Variants in LUZP2 observed in about 807,000 individuals in gnomAD.
LUZP2 encodes the protein leucine zipper protein 2.
In LUZP2, 52 loss-of-function variants were observed where a neutral mutation model predicts 51.6. The observed-to-expected ratio is 1.01, with a 90% confidence interval of 0.81 to 1.27. LUZP2 has a LOEUF of 1.27. Ranked by LOEUF, LUZP2 falls within the 50% of genes most tolerant of loss-of-function variation. The pLI is 0.00. For synonymous variants in LUZP2, 154 were observed against 137.3 expected, an observed-to-expected ratio of 1.12 and a Z score of -0.85; for missense variants, 436 against 395.4, an observed-to-expected ratio of 1.10 and a Z score of -0.87.
chr11:25,050,395 C>T (rs548928569), intron 10 of LUZP2, among the ~76,000 whole-genome samples: 1 of 149,898 alleles, frequency 6.7e-6, no homozygotes. Flanking sequence ...TCCGCCGCCT[C>T]CCGGGTTCAC....
intron 1 of LUZP2, among the ~76,000 whole-genome samples, chr11:24,518,260 C>T (rs1271289007): frequency 6.6e-6 from 1 of 152,064 alleles, no homozygotes; most frequent in Non-Finnish European, 1.5e-5. Flanking sequence ...TCATCTAATC[C>T]ATGAGTCAAT....
At chr11:24,753,837 C>T (rs1859678308) in intron 4 of LUZP2, among the ~76,000 whole-genome samples, 1 of 152,098 alleles carries the variant, frequency 6.6e-6, no homozygotes, top group South Asian at 2.1e-4. Context: ...TCAGTATAGC[C>T]ATTACCCCAG....
chr11:24,997,085 G>A (rs973455953), intron 9 of LUZP2, among the ~76,000 whole-genome samples: 7 of 150,120 alleles, frequency 4.7e-5, no homozygotes, highest in African/African-American at 1.7e-4. Flanking sequence ...ACATACGTGT[G>A]CATGTGTCTT....
chr11:24,849,970 G>A (rs1393428158), intron 5 of LUZP2, among the ~76,000 whole-genome samples: 2 of 151,932 alleles, frequency 1.3e-5, no homozygotes, highest in Admixed American at 1.3e-4. Context: ...TTTTTGATGG[G>A]GTTGTTTTTT....
chr11:24,520,771 A>AT (rs1850615244), intron 1 of LUZP2, among the ~76,000 whole-genome samples: 2 of 152,154 alleles, frequency 1.3e-5, no homozygotes, highest in Admixed American at 6.5e-5. Context: ...GTAGAAACTT[A>AT]TTTTTTGTCA....
intron 7 of LUZP2, among the ~76,000 whole-genome samples, chr11:24,932,292 T>A (rs1407932091): frequency 6.6e-6 from 1 of 152,158 alleles, no homozygotes; most frequent in African/African-American, 2.4e-5. Flanking sequence ...ACATGGAGGA[T>A]ACAAGCTTGC....
intron 1 of LUZP2, among the ~76,000 whole-genome samples, chr11:24,533,583 T>G (rs1364969997): frequency 6.6e-6 from 1 of 151,324 alleles, no homozygotes; most frequent in East Asian, 1.9e-4. Flanking sequence ...TTTGTTCTCC[T>G]GATATAAAGC....
chr11:24,832,731 A>G (rs748395035), intron 5 of LUZP2, among the ~76,000 whole-genome samples: 22 of 152,006 alleles, frequency 1.4e-4, no homozygotes, highest in Non-Finnish European at 2.8e-4. Flanking sequence ...GCCTTACTGT[A>G]AGTTCTAAAA....
At chr11:25,030,893 A>ATATATGTATAATATATATTGTAT (rs1554957903) in intron 9 of LUZP2, among the ~76,000 whole-genome samples, 1 of 40,084 alleles carries the variant, frequency 2.5e-5, no homozygotes, top group Non-Finnish European at 3.8e-5. Context: ...TATATATATT[A>ATATATGTATAATATATATTGTAT]TATATATATA....
intron 1 of LUZP2, among the ~76,000 whole-genome samples, chr11:24,575,592 A>G (rs1852618801): frequency 6.6e-6 from 1 of 152,086 alleles, no homozygotes; most frequent in Non-Finnish European, 1.5e-5. Flanking sequence ...TCTTTTTCAA[A>G]CACTATTTTA....
chr11:24,918,097 A>G (rs1334730644), intron 7 of LUZP2, among the ~76,000 whole-genome samples: 1 of 151,980 alleles, frequency 6.6e-6, no homozygotes, highest in East Asian at 1.9e-4. Context: ...CTTTGAAGCA[A>G]TTGTGAATGG....
chr11:24,725,322 A>G (rs1231919820), intron 1 of LUZP2, among the ~76,000 whole-genome samples: 1 of 152,288 alleles, frequency 6.6e-6, no homozygotes, highest in South Asian at 2.1e-4. Context: ...GTGCCATATT[A>G]AAATCAGCAG....
intron 1 of LUZP2, among the ~76,000 whole-genome samples, chr11:24,614,755 G>C (rs1854233574): frequency 6.6e-6 from 1 of 151,930 alleles, no homozygotes; most frequent in Admixed American, 6.6e-5. Context: ...CCTTAAAGTA[G>C]ATTATCTTCC....
chr11:25,058,523 G>C (rs1340086010), intron 10 of LUZP2, among the ~76,000 whole-genome samples: 1 of 152,094 alleles, frequency 6.6e-6, no homozygotes, highest in African/African-American at 2.4e-5. Context: ...CCTTCTCTGG[G>C]TTTCCATTGT....
At chr11:24,770,884 G>T (rs1565128788) in intron 5 of LUZP2, among the ~76,000 whole-genome samples, 1 of 152,150 alleles carries the variant, frequency 6.6e-6, no homozygotes, top group Admixed American at 6.5e-5. Flanking sequence ...GCTGTCTTGA[G>T]AAAGCACTAC....
chr11:24,634,236 A>G (rs1854995707), intron 1 of LUZP2, among the ~76,000 whole-genome samples: 1 of 152,058 alleles, frequency 6.6e-6, no homozygotes, highest in Non-Finnish European at 1.5e-5. Flanking sequence ...GAAACATGGC[A>G]ATAAAAACAG....
At chr11:24,828,781 A>G (rs374661499) in intron 5 of LUZP2, among the ~76,000 whole-genome samples, 8 of 152,176 alleles carry the variant, frequency 5.3e-5, no homozygotes, top group African/African-American at 1.7e-4. Flanking sequence ...AACTGTAGAC[A>G]GGCATCAAGG....
Position 24,881,131 on chromosome 11 carries a change from A to G in LUZP2, c.397-24860A>G, listed in dbSNP as rs1852454135. On this transcript the variant is annotated intron_variant, in intron 5 of 11. Coordinates refer to ENST00000336930, the MANE Select transcript of LUZP2 (RefSeq NM_001009909.4). ...GATTCACTTAATCTGTCTGTGGTAT[A>G]TGAATTTAATTATTTGTAGTAATCA... Among the ~76,000 whole-genome samples, 4 of 152,168 alleles carry G rather than the reference A, an allele frequency of 2.6e-5. No individual in the cohort carries two copies. The South Asian group carries it at 8.3e-4, about 32-fold the overall frequency.
chr11:24,842,507 T>TG (rs1163708539), intron 5 of LUZP2, among the ~76,000 whole-genome samples: 1 of 151,920 alleles, frequency 6.6e-6, no homozygotes, highest in East Asian at 1.9e-4. Context: ...ACAAGGCGAA[T>TG]TCAGCAAGCA....
Sources: allele counts gnomAD v4.1 joint callset (sites outside exome capture counted in the v4.1 genomes callset), GRCh38; gene constraint gnomAD v4.1.1; transcripts MANE v1.5; gene names NCBI Gene and HGNC (gene_info 2026-07-23, HGNC 2026-07-21).